RAB11FIP2: variants seen among roughly 807,000 people sequenced by gnomAD.
RAB11FIP2 encodes rab11 family-interacting protein 2.
In RAB11FIP2, 16 loss-of-function variants were observed where a neutral mutation model predicts 40.9. The ratio of observed to expected loss-of-function variants is 0.39; its 90% CI spans 0.26 to 0.59. RAB11FIP2 has a LOEUF of 0.59. Among genes scored for constraint, RAB11FIP2 ranks in the 20% least tolerant of loss-of-function variants. The pLI is 0.53. For missense variants in RAB11FIP2, 532 were observed against 606.2 expected (o/e 0.88, Z 1.28); for synonymous variants, 228 against 213.7 (o/e 1.07, Z -0.58).
Position 118,006,939 on chromosome 10 carries a change from A to C in RAB11FIP2, c.*2059T>G, listed in dbSNP as rs945223570. 1 of 152,446 alleles carries C rather than the reference A, an allele frequency of 6.6e-6. No individual in the cohort carries two copies. Among genetic ancestry groups the C allele is most frequent in the African/African-American group, 2.4e-5 (1 of 41,426 alleles). 9.4% of individuals were successfully genotyped at this position (152,446 alleles called of 1,614,324 possible). On this transcript the variant is annotated 3_prime_UTR_variant, in exon 5 of 5. Transcript: ENST00000355624. The stretch of plus-strand genomic sequence containing the variant: ...TGAACCATACTTTTAAATGAGTTCT[A>C]TTTATGTAAAACATATCCCCAATAC...
intron 3 of RAB11FIP2, among the ~76,000 whole-genome samples, chr10:118,017,135 G>A (rs113831366): frequency 1.2e-4 from 18 of 152,224 alleles, no homozygotes; most frequent in South Asian, 4.2e-4. Context: ...GGTAACTTGC[G>A]TGTGGTCATT....
chr10:118,014,939 C>T (rs192753890), intron 4 of RAB11FIP2, 126 bp downstream of exon 4: 193 of 728,176 alleles, frequency 2.7e-4, no homozygotes, highest in East Asian at 8.9e-4. Flanking sequence ...AAAATTACTA[C>T]GCTAAGCTAC....
chr10:118,028,198 T>A (rs1846368801), intron 3 of RAB11FIP2, among the ~76,000 whole-genome samples: 1 of 152,148 alleles, frequency 6.6e-6, no homozygotes, highest in African/African-American at 2.4e-5. Flanking sequence ...GCCAAGCTGA[T>A]TCAACTAATT....
intron 3 of RAB11FIP2, among the ~76,000 whole-genome samples, chr10:118,024,235 T>C (rs897508718): frequency 6.6e-6 from 1 of 152,098 alleles, no homozygotes; most frequent in Non-Finnish European, 1.5e-5. Flanking sequence ...TCTTTAATAT[T>C]CTAATACATA....
At chr10:118,014,722 C>A (rs538575724) in intron 4 of RAB11FIP2, among the ~76,000 whole-genome samples, 5 of 152,238 alleles carry the variant, frequency 3.3e-5, no homozygotes, top group Admixed American at 6.5e-5. Flanking sequence ...AAAAAATAGT[C>A]TTTTCTACGT....
chr10:118,016,500 C>T lies in RAB11FIP2; in HGVS notation c.1266-1390G>A, dbSNP rs147254618. 9.5e-4 allele frequency among the ~76,000 whole-genome samples: 144 copies of T among 152,200 alleles called. 1 individual carries two copies. The East Asian group carries it at 0.025, about 27-fold the overall frequency. ...CATAGTCCACCTTAGCCTAGAGTGC[C>T]GTGGTAGCAGCTGCTAACACATGTG... On this transcript the variant is annotated intron_variant, in intron 3 of 4. Coordinates refer to ENST00000355624, the MANE Select transcript of RAB11FIP2 (RefSeq NM_014904.3).
intron 3 of RAB11FIP2, among the ~76,000 whole-genome samples, chr10:118,019,899 T>C (rs557031778): frequency 1.3e-5 from 2 of 150,790 alleles, no homozygotes; most frequent in East Asian, 3.9e-4. Flanking sequence ...TGTGACATAA[T>C]ATAACAAAAA....
chr10:118,022,690 C>T (rs1023596633), intron 3 of RAB11FIP2, among the ~76,000 whole-genome samples: 1 of 152,210 alleles, frequency 6.6e-6, no homozygotes, highest in Non-Finnish European at 1.5e-5. Flanking sequence ...ATCTATCTTA[C>T]CCCTGGATCC....
At chr10:118,022,581 T>G (rs1357931614) in intron 3 of RAB11FIP2, among the ~76,000 whole-genome samples, 1 of 152,186 alleles carries the variant, frequency 6.6e-6, no homozygotes, top group East Asian at 1.9e-4. Context: ...TACCATCTAT[T>G]TCGTAGAATT....
intron 3 of RAB11FIP2, among the ~76,000 whole-genome samples, chr10:118,037,281 G>A (rs1046223624): frequency 6.6e-5 from 10 of 152,020 alleles, no homozygotes; most frequent in Non-Finnish European, 1.0e-4. Flanking sequence ...TTCTTCTGGA[G>A]TATGGTTTAT....
At chr10:118,040,852 C>T (rs1219732340) in intron 1 of RAB11FIP2, among the ~76,000 whole-genome samples, 1 of 152,128 alleles carries the variant, frequency 6.6e-6, no homozygotes, top group Non-Finnish European at 1.5e-5. Flanking sequence ...AATCACTCAT[C>T]ATCAAAAATT....
chr10:118,038,832 ATAATT>A (rs1445805001), intron 3 of RAB11FIP2, 135 bp downstream of exon 3: 54 of 671,894 alleles, frequency 8.0e-5, no homozygotes, highest in Middle Eastern at 8.3e-4. Context: ...GCCTGGCTCT[ATAATT>A]TAATTATACA....
At chr10:118,030,386 T>C (rs574095392) in intron 3 of RAB11FIP2, among the ~76,000 whole-genome samples, 2 of 152,264 alleles carry the variant, frequency 1.3e-5, no homozygotes, top group East Asian at 3.9e-4. Flanking sequence ...TTGTTCTCTT[T>C]AAGTATTGGA....
chr10:118,018,950 T>C lies in RAB11FIP2; in HGVS notation c.1266-3840A>G, dbSNP rs1235672725. 3.4e-4 allele frequency among the ~76,000 whole-genome samples: 51 copies of C among 152,102 alleles called. 1 individual carries two copies. The highest frequency in any genetic ancestry group is 3.4e-3 in the Middle Eastern group (1 of 294). On this transcript the variant is annotated intron_variant, in intron 3 of 4. Coordinates refer to ENST00000355624, the MANE Select transcript of RAB11FIP2 (RefSeq NM_014904.3). ...TGTTTCTCTTTCTTAAACATATATATTCTTTTGGAACAAGAATACCTAAGG... is the reference window on the plus strand; with the variant it reads ...TGTTTCTCTTTCTTAAACATATATACTCTTTTGGAACAAGAATACCTAAGG...
intron 3 of RAB11FIP2, among the ~76,000 whole-genome samples, chr10:118,017,157 T>C (rs1386877216): frequency 6.6e-6 from 1 of 152,172 alleles, no homozygotes; most frequent in Non-Finnish European, 1.5e-5. Flanking sequence ...TGTTAGTAGC[T>C]GGTGGAGCTG....
intron 3 of RAB11FIP2, among the ~76,000 whole-genome samples, chr10:118,031,285 T>A (rs1389401934): frequency 5.3e-5 from 8 of 151,998 alleles, no homozygotes; most frequent in Admixed American, 5.3e-4. Context: ...AAAATGAAGG[T>A]TTAAAAACTA....
At chr10:118,026,997 T>C (rs952234035) in intron 3 of RAB11FIP2, among the ~76,000 whole-genome samples, 2 of 150,626 alleles carry the variant, frequency 1.3e-5, no homozygotes, top group African/African-American at 2.5e-5. Flanking sequence ...TTTAAGTTTT[T>C]TTTTAAGTTG....
chr10:118,042,543 G>A (rs979046183), intron 1 of RAB11FIP2, among the ~76,000 whole-genome samples: 5 of 152,170 alleles, frequency 3.3e-5, no homozygotes, highest in African/African-American at 1.2e-4. Context: ...CATACTGCAG[G>A]ACACTGTATT....
intron 3 of RAB11FIP2, among the ~76,000 whole-genome samples, chr10:118,023,505 C>T (rs562955185): frequency 2.6e-5 from 4 of 152,182 alleles, no homozygotes; most frequent in Admixed American, 6.5e-5. Context: ...ACCAAAACCT[C>T]GATGACAAAA....
Sources: gnomAD v4.1 joint callset for allele counts (sites outside exome capture counted in the v4.1 genomes callset) on GRCh38, gnomAD v4.1.1 for gene constraint, MANE v1.5 for transcripts, NCBI Gene and HGNC (gene_info 2026-07-23, HGNC 2026-07-21) for gene names.